The following PDLIM5 variants were observed in gnomAD, a reference collection of about 807,000 sequenced individuals.
PDLIM5 encodes the protein PDZ and LIM domain 5, also known as PDZ and LIM domain protein 5.
Under a neutral mutation model 64.2 loss-of-function variants are expected in PDLIM5, and 34 were observed. The ratio of observed to expected loss-of-function variants is 0.53; its 90% CI spans 0.40 to 0.71. The LOEUF (loss-of-function observed/expected upper bound fraction) is 0.71, where lower values mean the gene tolerates loss of function less well. Ranked by LOEUF, PDLIM5 falls within the 30% of genes least tolerant of loss-of-function variation. The probability of loss-of-function intolerance (pLI) is 0.00; values close to 1 mark genes in which losing one functional copy is unlikely to be tolerated. For missense variants in PDLIM5, 683 were observed against 733.6 expected (o/e 0.93, Z 0.80); for synonymous variants, 253 against 269.1 (o/e 0.94, Z 0.59).
intron 7 of PDLIM5, among the ~76,000 whole-genome samples, chr4:94,614,801 TTA>T (rs1341148714): frequency 6.6e-6 from 1 of 152,200 alleles, no homozygotes; most frequent in Non-Finnish European, 1.5e-5. Context: ...TTTCTTTAGC[TTA>T]TATGATACTT....
chr4:94,575,710 C>T lies in PDLIM5; in HGVS notation c.386C>T (p.Pro129Leu). The T allele has an allele frequency of 1.9e-6, 3 of 1,613,958 alleles. No homozygotes were observed. Among genetic ancestry groups the T allele is most frequent in the South Asian group, 1.1e-5 (1 of 91,080 alleles). Reference protein sequence around the residue: ...STNNMAYNKAPRPFGSVSSPK... With the variant: ...STNNMAYNKALRPFGSVSSPK... ...AACAACATGGCCTACAATAAGGCACCACGGCCTTTTGGTTCTGTGTCTTCA... is the reference window on the plus strand; with the variant it reads ...AACAACATGGCCTACAATAAGGCACTACGGCCTTTTGGTTCTGTGTCTTCA... The change falls in exon 5 of 13, where the codon CCA becomes CTA. Residue 129 changes from proline (P) to leucine (L), a missense_variant. By Grantham distance (98) the Pro-to-Leu change is moderately conservative. Transcript: ENST00000317968.
intron 2 of PDLIM5, among the ~76,000 whole-genome samples, chr4:94,458,287 A>G (rs1723559383): frequency 1.3e-5 from 2 of 152,106 alleles, no homozygotes; most frequent in Admixed American, 6.5e-5. Flanking sequence ...AACAATTAAA[A>G]CCTGAAAGCA....
chr4:94,636,613 A>G (rs2110446855), intron 8 of PDLIM5, among the ~76,000 whole-genome samples: 1 of 145,528 alleles, frequency 6.9e-6, no homozygotes, highest in South Asian at 2.2e-4. Context: ...ATCTTGGCTC[A>G]CTGCAAGCTC....
chr4:94,623,331 T>C (rs530490319), intron 8 of PDLIM5, among the ~76,000 whole-genome samples: 2 of 152,310 alleles, frequency 1.3e-5, no homozygotes, highest in African/African-American at 4.8e-5. Flanking sequence ...ATATCATTCC[T>C]TGGCACACAC....
rs774264403 is a variant in PDLIM5, at chr4:94,654,639, G to A, written c.1463G>A (p.Gly488Glu). 9.4e-6 allele frequency: 15 copies of A among 1,597,036 alleles called. No individual in the cohort carries two copies. The highest frequency in any genetic ancestry group is 1.2e-5 in the Non-Finnish European group (14 of 1,166,624). Residue 488 changes from glycine (G) to glutamate (E), a missense_variant and splice_region_variant, in exon 10 of 13, where the codon GGA becomes GAA. Transcript: ENST00000317968. The part of the protein sequence containing the change: ...ECGRCQRKIL[G>E]EVISALKQTW... The stretch of plus-strand genomic sequence containing the variant: ...GGTCGATGCCAAAGGAAGATCCTTG[G>A]AGTAAGTATTGGAAACGTTTTTATT...
rs1453923502 is a variant in PDLIM5 at position 94,536,428 on chromosome 4, A to G, written c.248+12553A>G. ...TCAGTTTTAAAATGAGAAGTACTCA[A>G]TATTTCCTGGATGAAAAGGAGTAGC... On this transcript the variant is annotated intron_variant, in intron 3 of 12. Transcript: ENST00000317968. Among the ~76,000 whole-genome samples the G allele has an allele frequency of 2.0e-5, 3 of 152,236 alleles. No homozygotes were observed. In the East Asian group the frequency reaches 5.8e-4, roughly 29 times the overall value.
intron 2 of PDLIM5, among the ~76,000 whole-genome samples, chr4:94,490,336 G>C (rs1726758217): frequency 6.6e-6 from 1 of 151,710 alleles, no homozygotes; most frequent in African/African-American, 2.4e-5. Flanking sequence ...CTTGATATCT[G>C]CTGCAAATGT....
Position 94,559,503 on chromosome 4 carries a change from T to A in PDLIM5, c.249-13848T>A, listed in dbSNP as rs541793610. Among the ~76,000 whole-genome samples, 10 of 152,348 alleles carry A rather than the reference T, an allele frequency of 6.6e-5. No homozygotes were observed. The South Asian group carries it at 1.9e-3, about 28-fold the overall frequency. ...TCATTGGAACACTAAAGCATCAGCA[T>A]ATGCCAGTGTTTGCTTTGGGGTAGG... is the stretch of plus-strand genomic sequence containing the variant. On this transcript the variant is annotated intron_variant, in intron 3 of 12. Transcript: ENST00000317968.
chr4:94,610,989 C>A, intron 7 of PDLIM5: 1 of 1,065,836 alleles, frequency 9.4e-7, no homozygotes, highest in Non-Finnish European at 1.4e-6. Context: ...GGAAATGTTT[C>A]AAATCACAGA....
chr4:94,572,697 A>T (rs1015809894), intron 3 of PDLIM5, among the ~76,000 whole-genome samples: 3 of 152,184 alleles, frequency 2.0e-5, no homozygotes, highest in African/African-American at 7.2e-5. Context: ...GACCTGTTAC[A>T]TTCCAGACAC....
At chr4:94,628,815 A>T (rs1366077166) in intron 8 of PDLIM5, among the ~76,000 whole-genome samples, 1 of 152,218 alleles carries the variant, frequency 6.6e-6, no homozygotes, top group African/African-American at 2.4e-5. Flanking sequence ...GTACAAATTT[A>T]ATATTTTAAA....
At position 94,659,749 on chromosome 4, in the gene PDLIM5, C is replaced by T. The variant is rs574102997; in HGVS notation, c.1585+2202C>T. On this transcript the variant is annotated intron_variant, in intron 11 of 12. Coordinates refer to ENST00000317968, the MANE Select transcript of PDLIM5 (RefSeq NM_006457.5). ...TTCACCATGTTAGCCAGGATGGTCTCGATCTCCTGACCTCGTGATCCGTCC... is the reference window on the plus strand; with the variant it reads ...TTCACCATGTTAGCCAGGATGGTCTTGATCTCCTGACCTCGTGATCCGTCC... 3.3e-5 allele frequency among the ~76,000 whole-genome samples: 5 copies of T among 151,078 alleles called. No individual in the cohort carries two copies. The East Asian group carries it at 5.9e-4, about 18-fold the overall frequency.
At chr4:94,609,264 A>G (rs1342355077) in intron 7 of PDLIM5, among the ~76,000 whole-genome samples, 1 of 152,212 alleles carries the variant, frequency 6.6e-6, no homozygotes, top group Non-Finnish European at 1.5e-5. Flanking sequence ...AGTTGCACCC[A>G]TAAATGAAGA....
chr4:94,654,605 C>T lies in PDLIM5; in HGVS notation c.1429C>T (p.Pro477Ser). 2 of 1,612,322 alleles carry T rather than the reference C, an allele frequency of 1.2e-6. No homozygotes were observed. The highest frequency in any genetic ancestry group is 1.1e-5 in the South Asian group (1 of 90,950). Residue 477 changes from proline to serine, a missense_variant, in exon 10 of 13, where the codon CCT becomes TCT. Transcript: ENST00000317968. The stretch of plus-strand genomic sequence containing the variant: ...GCTGTGCTATGAGAAATTCTTTGCC[C>T]CTGAATGTGGTCGATGCCAAAGGAA... ...CELCYEKFFA[P>S]ECGRCQRKIL...
chr4:94,606,707 G>C (rs376562894), intron 7 of PDLIM5, among the ~76,000 whole-genome samples: 75 of 152,270 alleles, frequency 4.9e-4, no homozygotes, highest in Middle Eastern at 3.4e-3. Flanking sequence ...TTCTAGGACA[G>C]GGGTCAGCAA....
At chr4:94,476,022 A>AG (rs981979587) in intron 2 of PDLIM5, among the ~76,000 whole-genome samples, 1 of 152,174 alleles carries the variant, frequency 6.6e-6, no homozygotes, top group Non-Finnish European at 1.5e-5. Context: ...TATTGCTCTT[A>AG]GGTCATTTCA....
intron 3 of PDLIM5, among the ~76,000 whole-genome samples, chr4:94,572,357 C>G (rs1219133594): frequency 1.3e-5 from 2 of 152,086 alleles, no homozygotes; most frequent in Non-Finnish European, 2.9e-5. Context: ...TAGTTCCTGT[C>G]CATGAATACA....
At chr4:94,663,938 CCTCTTAAATAATAT>C (rs775704327) in intron 12 of PDLIM5, 26 bp from the exon 13 acceptor site, 1 of 1,578,348 alleles carries the variant, frequency 6.3e-7, no homozygotes, top group Non-Finnish European at 8.6e-7. Flanking sequence ...CTCTTAATAT[CCTCTTAAATAATAT>C]CTCTTAAATG....
At chr4:94,531,427 G>T (rs990036892) in intron 3 of PDLIM5, among the ~76,000 whole-genome samples, 3 of 152,116 alleles carry the variant, frequency 2.0e-5, no homozygotes, top group Non-Finnish European at 4.4e-5. Flanking sequence ...TGCCTTAGAG[G>T]TATCCAATCT....
Sources: gnomAD v4.1 joint callset for allele counts (sites outside exome capture counted in the v4.1 genomes callset) on GRCh38, gnomAD v4.1.1 for gene constraint, MANE v1.5 for transcripts, NCBI Gene and HGNC (gene_info 2026-07-23, HGNC 2026-07-21) for gene names.